Variants in ALG9 observed in about 807,000 individuals in gnomAD.
ALG9 encodes the protein ALG9 alpha-1,2-mannosyltransferase.
A neutral mutation model predicts 81.8 loss-of-function variants in ALG9; 55 were observed. The observed-to-expected ratio is 0.67, with a 90% CI of 0.54 to 0.84. ALG9 has a LOEUF of 0.84. ALG9 is among the 40% of genes least tolerant of loss of function. The pLI is 0.00. For synonymous variants in ALG9, 278 were observed against 274.3 expected, an observed-to-expected ratio of 1.01 and a Z score of -0.13; for missense variants, 629 against 745.0, an observed-to-expected ratio of 0.84 and a Z score of 1.81.
At chr11:111,792,042 C>G (rs966008599) in intron 14 of ALG9, among the ~76,000 whole-genome samples, 1 of 152,184 alleles carries the variant, frequency 6.6e-6, no homozygotes, top group Non-Finnish European at 1.5e-5. Context: ...AAGATTGTGC[C>G]ACTGCACTCC....
chr11:111,833,159 T>G (rs1218259629), intron 13 of ALG9, among the ~76,000 whole-genome samples: 16 of 152,196 alleles, frequency 1.1e-4, no homozygotes, highest in Non-Finnish European at 1.0e-4. Flanking sequence ...TTTCATCCAT[T>G]GACTAGGTAG....
intron 13 of ALG9, among the ~76,000 whole-genome samples, chr11:111,810,931 C>G (rs782015711): frequency 1.3e-5 from 2 of 152,196 alleles, no homozygotes; most frequent in Non-Finnish European, 2.9e-5. Flanking sequence ...CTTGCTGTCA[C>G]TACTCTGTTC....
rs1956087424 is a variant in ALG9, at chr11:111,840,704, A to C, written c.1124T>G (p.Val375Gly). 4.3e-6 allele frequency: 7 copies of C among 1,614,184 alleles called. No homozygotes were observed. Among genetic ancestry groups the C allele is most frequent in the Non-Finnish European group, 5.9e-6 (7 of 1,180,018 alleles). The change falls in exon 10 of 15, where the codon GTG (valine) becomes GGG (glycine). Residue 375 changes from valine (V) to glycine (G), a missense_variant. This residue lies in a region of ALG9 where 264 missense variants were observed against 302.2 expected (regional missense o/e 0.87). Coordinates refer to ENST00000616540, the MANE Select transcript of ALG9 (RefSeq NM_024740.2). ...GCCACAGAGACATATAAGTGGATAC[A>C]CAGGGAAAAGAAATCTCTCCTCTTT... ...PHKEERFLFP[V>G]YPLICLCGAV... is the part of the protein sequence containing the mutation.
the ALG9 span, among the ~76,000 whole-genome samples, chr11:111,776,209 T>A: frequency 6.6e-6 from 1 of 152,038 alleles, no homozygotes; most frequent in Admixed American, 6.6e-5. Context: ...AATAAAAATC[T>A]TGACATATAG....
chr11:111,853,908 T>A (rs994494038), intron 6 of ALG9, among the ~76,000 whole-genome samples, 172 bp from the exon 7 acceptor site: 1 of 152,138 alleles, frequency 6.6e-6, no homozygotes, highest in Non-Finnish European at 1.5e-5. Flanking sequence ...GTGCTCTGTA[T>A]CCCACTGATG....
chr11:111,821,049 T>C lies in ALG9; in HGVS notation c.1603-11276A>G, dbSNP rs900481468. ...AATTTGAAACTGCAGTGAGCTATGA[T>C]TGCACAATTGCACTCCAGCCTGGGC... On this transcript the variant is annotated intron_variant, in intron 13 of 14. Coordinates refer to ENST00000616540, the MANE Select transcript of ALG9 (RefSeq NM_024740.2). Among the ~76,000 whole-genome samples the C allele has an allele frequency of 4.6e-5, 7 of 152,050 alleles. No homozygotes were observed. In the East Asian group the frequency reaches 1.3e-3, roughly 29 times the overall value.
chr11:111,849,119 C>T (rs782623431), intron 8 of ALG9, among the ~76,000 whole-genome samples: 5 of 151,620 alleles, frequency 3.3e-5, no homozygotes, highest in South Asian at 4.2e-4. Flanking sequence ...CGTGCAGTTT[C>T]GGCTCACTGC....
chr11:111,842,068 T>C (rs1388354899), intron 9 of ALG9, among the ~76,000 whole-genome samples: 1 of 152,044 alleles, frequency 6.6e-6, no homozygotes, highest in Non-Finnish European at 1.5e-5. Context: ...GGCTAACTGT[T>C]GTATTTTTAG....
intron 8 of ALG9, among the ~76,000 whole-genome samples, chr11:111,849,960 C>T (rs553858182): frequency 1.1e-4 from 16 of 152,164 alleles, no homozygotes; most frequent in African/African-American, 3.9e-4. Flanking sequence ...CAAATAGTGC[C>T]CAACATGTAA....
intron 8 of ALG9, among the ~76,000 whole-genome samples, chr11:111,851,889 A>G (rs565137540): frequency 6.6e-6 from 1 of 152,320 alleles, no homozygotes; most frequent in Admixed American, 6.5e-5. Flanking sequence ...TTAGAGCCAT[A>G]AAGGAGCTTT....
In ALG9 at chr11:111,797,302, C is replaced by A. The variant is rs1555076186; in HGVS notation, c.1734-10782G>T. 2.0e-5 allele frequency among the ~76,000 whole-genome samples: 3 copies of A among 152,230 alleles called. No homozygotes were observed. The South Asian group carries it at 6.2e-4, about 32-fold the overall frequency. On this transcript the variant is annotated intron_variant, in intron 14 of 14. Transcript: ENST00000616540. ...TCTTGAGATGCTTACTCTTGGAAGT[C>A]AGCCACCATGCTATAAGGAAGCCCA...
chr11:111,871,391 AGCAGCTCCCGCAGCTTGTCC>A lies in ALG9; in HGVS notation c.72_91del (p.Asp25GlyfsTer26). The A allele has an allele frequency of 6.5e-7, 1 of 1,534,374 alleles. No homozygotes were observed. Among genetic ancestry groups the A allele is most frequent in the Non-Finnish European group, 8.7e-7 (1 of 1,146,150 alleles). On this transcript the variant is annotated frameshift_variant, in exon 1 of 15. Transcript: ENST00000616540. LOFTEE classifies it high-confidence loss of function. Reference sequence around the variant, plus strand: ...CGCGCCGCCCGCCTCTCGGCTGCCCAGCAGCTCCCGCAGCTTGTCCGCAGCCGGGGCCGTATCCCCACTGC... The same window carrying A: ...CGCGCCGCCCGCCTCTCGGCTGCCCAGCAGCCGGGGCCGTATCCCCACTGC...
chr11:111,842,906 G>A (rs78026098), intron 9 of ALG9, among the ~76,000 whole-genome samples: 508 of 151,850 alleles, frequency 3.3e-3, no homozygotes, highest in African/African-American at 0.012. Context: ...TTTTACTGAC[G>A]TTACAAGCAT....
At chr11:111,871,159 G>GA in intron 1 of ALG9, 193 bp downstream of exon 1, 1 of 1,290,606 alleles carries the variant, frequency 7.7e-7, no homozygotes, top group East Asian at 3.3e-5. Context: ...GCAGTGGAGG[G>GA]ATCTAAGGTG....
chr11:111,791,960 G>A (rs182325420), intron 14 of ALG9, among the ~76,000 whole-genome samples: 2 of 152,356 alleles, frequency 1.3e-5, no homozygotes, highest in African/African-American at 4.8e-5. Flanking sequence ...GCGTGCGCCT[G>A]TAATCCCAAT....
chr11:111,837,774 A>G (rs984758387), intron 11 of ALG9, among the ~76,000 whole-genome samples, 159 bp from the exon 12 acceptor site: 2 of 152,192 alleles, frequency 1.3e-5, no homozygotes, highest in East Asian at 3.8e-4. Context: ...CAGGTATAAA[A>G]TGTCTCTCTA....
chr11:111,784,513 T>A lies in ALG9; in HGVS notation c.*1884A>T, dbSNP rs1313356711. ...CGGGTGGATGACCTGAGGTCAGGAG[T>A]CCAAGACCAGCCTGGCCAACATGGT... On this transcript the variant is annotated 3_prime_UTR_variant, in exon 15 of 15. Transcript: ENST00000616540. 1.3e-5 allele frequency: 2 copies of A among 151,646 alleles called. No homozygotes were observed. The highest frequency in any genetic ancestry group is 2.9e-5 in the Non-Finnish European group (2 of 67,914). 9.4% of individuals were successfully genotyped at this position (151,646 alleles called of 1,614,324 possible).
chr11:111,784,952 G>T lies in ALG9; in HGVS notation c.*1445C>A, dbSNP rs1946314897. 6.6e-6 allele frequency: 1 copy of T among 152,490 alleles called. No individual in the cohort carries two copies. The highest frequency in any genetic ancestry group is 2.4e-5 in the African/African-American group (1 of 41,426). 9.4% of individuals were successfully genotyped at this position (152,490 alleles called of 1,614,324 possible). A position where few individuals can be genotyped will look rare whatever the true frequency, so the allele number is the denominator to read the frequency against. ...CTGCATCACACAGCACTGCTGTGCT[G>T]GTCTAACACACAGGCAGACTGGAGG... On this transcript the variant is annotated 3_prime_UTR_variant, in exon 15 of 15. Transcript: ENST00000616540.
chr11:111,806,525 C>G (rs901031834), intron 14 of ALG9, among the ~76,000 whole-genome samples: 2 of 152,202 alleles, frequency 1.3e-5, no homozygotes, highest in Non-Finnish European at 2.9e-5. Context: ...GGGTTTCCTA[C>G]TACTTTACTG....
Sources: allele counts gnomAD v4.1 joint callset (sites outside exome capture counted in the v4.1 genomes callset), GRCh38; gene constraint gnomAD v4.1.1; regional missense constraint gnomAD v4.1.1; transcripts MANE v1.5; gene names NCBI Gene and HGNC (gene_info 2026-07-23, HGNC 2026-07-21).